Variants in IMMP2L observed in about 807,000 individuals in gnomAD.
IMMP2L encodes mitochondrial inner membrane protease subunit 2.
A neutral mutation model predicts 19.3 loss-of-function variants in IMMP2L; 18 were observed. The observed-to-expected ratio is 0.93, with a 90% CI of 0.64 to 1.38. The LOEUF (loss-of-function observed/expected upper bound fraction) is 1.38, where lower values mean the gene tolerates loss of function less well. IMMP2L is among the 40% of genes most tolerant of loss of function. The pLI is 0.00. For synonymous variants in IMMP2L, 76 were observed against 73.0 expected (o/e 1.04, Z -0.21); for missense variants, 233 against 218.2 (o/e 1.07, Z -0.43).
chr7:111,026,081 T>TCG (rs1344144248), intron 3 of IMMP2L, among the ~76,000 whole-genome samples: 1 of 152,088 alleles, frequency 6.6e-6, no homozygotes, highest in African/African-American at 2.4e-5. Flanking sequence ...TTTAGTGTCA[T>TCG]TGTTATCAAA....
chr7:111,539,184 GAAGGAAGGAGGGAGAAAGAAAGAA>G lies in IMMP2L; in HGVS notation c.-2-17759_-2-17736del, dbSNP rs1162152284. Among the ~76,000 whole-genome samples, 143 of 70,466 alleles carry G rather than the reference GAAGGAAGGAGGGAGAAAGAAAGAA, an allele frequency of 2.0e-3. 8 individuals carry two copies. Among genetic ancestry groups the G allele is most frequent in the African/African-American group, 4.2e-3 (61 of 14,400 alleles). 46.2% of individuals were successfully genotyped at this position (70,466 alleles called of 152,430 possible). A position where few individuals can be genotyped will look rare whatever the true frequency, so the allele number is the denominator to read the frequency against. Reference sequence around the variant, plus strand: ...GGAAGGAAGGAAGGAAGGAAGGAAGGAAGGAAGGAGGGAGAAAGAAAGAAAGAAAGAAAGAAAGAAAGAAAGAAA... The same window carrying G: ...GGAAGGAAGGAAGGAAGGAAGGAAGGAGAAAGAAAGAAAGAAAGAAAGAAA... On this transcript the variant is annotated intron_variant, in intron 1 of 5. Transcript: ENST00000405709.
intron 4 of IMMP2L, among the ~76,000 whole-genome samples, chr7:110,931,489 C>G (rs1255562093): frequency 6.6e-6 from 1 of 152,126 alleles, no homozygotes; most frequent in African/African-American, 2.4e-5. Flanking sequence ...ATCCAAAGAG[C>G]CACCTCTGAT....
At position 111,386,075 on chromosome 7, in the gene IMMP2L, G is replaced by A. The variant is rs116838246; in HGVS notation, c.239+101163C>T. On this transcript the variant is annotated intron_variant, in intron 3 of 5. Transcript: ENST00000405709. ...TTTTTTTTTTAAGAAACAGGGTCTC[G>A]CTCTGTTGTCCAGGCTGGTCTTGAA... Among the ~76,000 whole-genome samples, 735 of 151,248 alleles carry A rather than the reference G, an allele frequency of 4.9e-3. 5 individuals carry two copies. The highest frequency in any genetic ancestry group is 0.017 in the African/African-American group (686 of 41,202).
intron 5 of IMMP2L, among the ~76,000 whole-genome samples, chr7:110,881,424 A>G (rs1809618638): frequency 6.6e-6 from 1 of 152,194 alleles, no homozygotes; most frequent in African/African-American, 2.4e-5. Flanking sequence ...ACTTATTAAC[A>G]AAAACCATAA....
At chr7:110,867,492 A>C (rs1178308693) in intron 5 of IMMP2L, among the ~76,000 whole-genome samples, 1 of 152,130 alleles carries the variant, frequency 6.6e-6, no homozygotes, top group African/African-American at 2.4e-5. Context: ...TGAGCAAGAA[A>C]GTTTTTAAAA....
At chr7:111,049,066 T>C (rs915434485) in intron 3 of IMMP2L, among the ~76,000 whole-genome samples, 1 of 150,788 alleles carries the variant, frequency 6.6e-6, no homozygotes, top group Non-Finnish European at 1.5e-5. Context: ...AAAATTAAAA[T>C]GCTAAAGAAA....
chr7:111,529,963 A>C (rs965306272), intron 1 of IMMP2L, among the ~76,000 whole-genome samples: 1 of 152,218 alleles, frequency 6.6e-6, no homozygotes, highest in African/African-American at 2.4e-5. Flanking sequence ...GGACTCCTTC[A>C]ACTTGCAAAC....
intron 3 of IMMP2L, among the ~76,000 whole-genome samples, chr7:111,393,816 C>T (rs1832619828): frequency 6.6e-6 from 1 of 152,090 alleles, no homozygotes; most frequent in Non-Finnish European, 1.5e-5. Context: ...TATGCAGACC[C>T]CTCCAAATCC....
At chr7:111,519,011 G>A (rs1181959171) in intron 2 of IMMP2L, among the ~76,000 whole-genome samples, 2 of 152,070 alleles carry the variant, frequency 1.3e-5, no homozygotes, top group African/African-American at 4.8e-5. Flanking sequence ...TTCAAAGCTG[G>A]ACCAATCACG....
At chr7:111,135,925 C>A (rs1000690101) in intron 3 of IMMP2L, among the ~76,000 whole-genome samples, 3 of 152,146 alleles carry the variant, frequency 2.0e-5, no homozygotes, top group Non-Finnish European at 4.4e-5. Context: ...GGCTTCAGTG[C>A]CCATCCTGTT....
chr7:111,522,416 A>T (rs1383115732), intron 1 of IMMP2L, among the ~76,000 whole-genome samples: 1 of 152,280 alleles, frequency 6.6e-6, no homozygotes, highest in African/African-American at 2.4e-5. Flanking sequence ...ACTTCTGACA[A>T]GAGGCTAATA....
chr7:111,314,868 CTTAAA>C (rs1187029860), intron 3 of IMMP2L, among the ~76,000 whole-genome samples: 1 of 152,064 alleles, frequency 6.6e-6, no homozygotes, highest in Non-Finnish European at 1.5e-5. Context: ...AAAAATGTAA[CTTAAA>C]TTAAGCTGTG....
chr7:111,109,107 T>C (rs1798882321), intron 3 of IMMP2L, among the ~76,000 whole-genome samples: 1 of 152,182 alleles, frequency 6.6e-6, no homozygotes, highest in African/African-American at 2.4e-5. Context: ...GGGGATATTT[T>C]AAGTAAGGTG....
intron 5 of IMMP2L, among the ~76,000 whole-genome samples, chr7:110,841,339 T>C (rs1416338655): frequency 6.6e-6 from 1 of 151,992 alleles, no homozygotes; most frequent in Non-Finnish European, 1.5e-5. Context: ...TGTTTTAATA[T>C]GATGAGATGG....
Position 111,556,014 on chromosome 7 carries a change from G to GTATATATATATATATATATATATA in IMMP2L, c.-3+5836_-3+5837insTATATATATATATATATATATATA. 3.5e-5 allele frequency among the ~76,000 whole-genome samples: 4 copies of GTATATATATATATATATATATATA among 114,600 alleles called. No homozygotes were observed. In the South Asian group the frequency reaches 9.2e-4, roughly 26 times the overall value. 75.2% of individuals were successfully genotyped at this position (114,600 alleles called of 152,430 possible). On this transcript the variant is annotated intron_variant, in intron 1 of 5. Transcript: ENST00000405709. The stretch of plus-strand genomic sequence containing the variant: ...CCAATTAGCCATCCCTCTTCTGTGT[G>GTATATATATATATATATATATATA]CATGTATATATATATATATATACAT...
chr7:110,910,603 G>A (rs1812954407), intron 4 of IMMP2L, among the ~76,000 whole-genome samples: 1 of 152,126 alleles, frequency 6.6e-6, no homozygotes, highest in African/African-American at 2.4e-5. Flanking sequence ...GTTAGTCACT[G>A]AGTCAAAAGA....
chr7:111,243,319 T>G (rs1418560305), intron 3 of IMMP2L, among the ~76,000 whole-genome samples: 1 of 152,058 alleles, frequency 6.6e-6, no homozygotes, highest in Admixed American at 6.6e-5. Context: ...AATTAAAAAC[T>G]ATGACATAAC....
At position 110,821,052 on chromosome 7, in the gene IMMP2L, T is replaced by C. The variant is rs953402576; in HGVS notation, c.408+65541A>G. On this transcript the variant is annotated intron_variant, in intron 5 of 5. Coordinates refer to ENST00000405709, the MANE Select transcript of IMMP2L (RefSeq NM_032549.4). ...TGCATCAGCCACTGACCTGTATGCT[T>C]TATATACACTAACTCATTTAACTCT... 2.3e-4 allele frequency among the ~76,000 whole-genome samples: 35 copies of C among 152,122 alleles called. 1 individual carries two copies. Among genetic ancestry groups the C allele is most frequent in the Non-Finnish European group, 2.9e-5 (2 of 68,006 alleles).
At chr7:111,339,289 T>C (rs1186810888) in intron 3 of IMMP2L, among the ~76,000 whole-genome samples, 4 of 151,994 alleles carry the variant, frequency 2.6e-5, no homozygotes, top group Non-Finnish European at 5.9e-5. Flanking sequence ...CTGGTTCATT[T>C]AGCACCAGCC....
Sources: allele counts gnomAD v4.1 joint callset (sites outside exome capture counted in the v4.1 genomes callset), GRCh38; gene constraint gnomAD v4.1.1; transcripts MANE v1.5; gene names NCBI Gene and HGNC (gene_info 2026-07-23, HGNC 2026-07-21).